DMD: variants seen among roughly 807,000 people sequenced by gnomAD.
DMD encodes mutant dystrophin.
DMD carries 63 observed loss-of-function variants against 330.1 expected under a neutral mutation model. The ratio of observed to expected loss-of-function variants is 0.19; its 90% CI spans 0.16 to 0.24. The LOEUF is 0.24. Ranked by LOEUF, DMD falls within the 10% of genes least tolerant of loss-of-function variation. DMD has a pLI of 1.00. For missense variants in DMD, 3,344 were observed against 2,684.1 expected, an observed-to-expected ratio of 1.25 and a Z score of -5.43; for synonymous variants, 1,223 against 959.8, an observed-to-expected ratio of 1.27 and a Z score of -5.07.
intron 55 of DMD, among the ~76,000 whole-genome samples, chrX:31,541,031 G>C (rs145673094): frequency 0.035 from 3,887 of 111,441 alleles, 168 homozygotes; most frequent in African/African-American, 0.12. Context: ...TTTCTACACT[G>C]TCATTGATTA....
chrX:32,028,912 G>A (rs910366726), intron 44 of DMD, among the ~76,000 whole-genome samples: 1 of 110,886 alleles, frequency 9.0e-6, no homozygotes, highest in African/African-American at 3.3e-5. Flanking sequence ...GAAAGTCAAC[G>A]TGCTTTTACT....
intron 29 of DMD, among the ~76,000 whole-genome samples, chrX:32,415,629 C>T (rs149914863): frequency 0.01 from 1,164 of 112,056 alleles, 17 homozygotes; most frequent in African/African-American, 0.035. Flanking sequence ...AATACTGTTC[C>T]GCTGTTGTTT....
chrX:32,943,621 A>C (rs1884859409), intron 2 of DMD, among the ~76,000 whole-genome samples: 1 of 111,216 alleles, frequency 9.0e-6, no homozygotes, highest in Non-Finnish European at 1.9e-5. Flanking sequence ...TTAAACAATA[A>C]ATATAGGTAC....
intron 44 of DMD, among the ~76,000 whole-genome samples, chrX:32,068,912 T>A (rs1425681340): frequency 1.8e-5 from 2 of 111,366 alleles, no homozygotes; most frequent in Non-Finnish European, 3.8e-5. Context: ...AATTCCGAAT[T>A]GGAACATATT....
At chrX:32,012,126 C>A (rs192686974) in intron 44 of DMD, among the ~76,000 whole-genome samples, 1 of 112,102 alleles carries the variant, frequency 8.9e-6, no homozygotes. Flanking sequence ...ATTGCAATAG[C>A]CTACTAATTG....
chrX:32,724,285 T>G (rs1481266393), intron 7 of DMD, among the ~76,000 whole-genome samples: 1 of 111,755 alleles, frequency 8.9e-6, no homozygotes, highest in African/African-American at 3.2e-5. Flanking sequence ...ATAGGTGAAG[T>G]GAACCTAATT....
chrX:32,055,094 G>A (rs1432375532), intron 44 of DMD, among the ~76,000 whole-genome samples: 1 of 111,214 alleles, frequency 9.0e-6, no homozygotes, highest in East Asian at 2.9e-4. Context: ...AAGAAACACC[G>A]GCCTGGGAGG....
At chrX:31,370,458 A>T (rs1040542646) in intron 60 of DMD, among the ~76,000 whole-genome samples, 1 of 112,252 alleles carries the variant, frequency 8.9e-6, no homozygotes, top group Non-Finnish European at 1.9e-5. Flanking sequence ...ATTTGCCACG[A>T]GGGAAACGTA....
intron 44 of DMD, among the ~76,000 whole-genome samples, chrX:32,135,083 G>C (rs1215691668): frequency 1.6e-4 from 18 of 112,092 alleles, no homozygotes; most frequent in Non-Finnish European, 9.4e-5. Context: ...TGCCTAGACT[G>C]TCTAAATCTG....
intron 59 of DMD, among the ~76,000 whole-genome samples, chrX:31,473,679 C>T (rs2067492479): frequency 1.0e-5 from 1 of 97,158 alleles, no homozygotes; most frequent in South Asian, 5.1e-4. Context: ...CACCACTGCA[C>T]TCCAGCCTGG....
chrX:32,345,811 T>A lies in DMD; in HGVS notation c.5586+132A>T, dbSNP rs2097761750. 4.7e-6 allele frequency: 3 copies of A among 639,612 alleles called. No homozygotes were observed. In the East Asian group the frequency reaches 1.1e-4, roughly 23 times the overall value. 52.7% of individuals were successfully genotyped at this position (639,612 alleles called of 1,213,427 possible). A position where few individuals can be genotyped will look rare whatever the true frequency, so the allele number is the denominator to read the frequency against. On this transcript the variant is annotated intron_variant, in intron 39 of 78. Coordinates refer to ENST00000357033, the MANE Select transcript of DMD (RefSeq NM_004006.3). Reference sequence around the variant, plus strand: ...CCACTCAAAAATGTTAAATAAAGCATACACATTGAACAGAAAAAGTGAGTT... The same window carrying A: ...CCACTCAAAAATGTTAAATAAAGCAAACACATTGAACAGAAAAAGTGAGTT...
intron 55 of DMD, among the ~76,000 whole-genome samples, chrX:31,566,801 C>T (rs2075491832): frequency 8.9e-6 from 1 of 111,765 alleles, no homozygotes; most frequent in African/African-American, 3.2e-5. Context: ...TTCTACATAC[C>T]GATCCTGTAC....
intron 2 of DMD, among the ~76,000 whole-genome samples, chrX:32,851,180 G>A (rs1029346853): frequency 1.8e-5 from 2 of 110,794 alleles, no homozygotes; most frequent in East Asian, 2.9e-4. Flanking sequence ...AAACTTCCAC[G>A]ATTAAAAACA....
intron 55 of DMD, among the ~76,000 whole-genome samples, chrX:31,551,948 GAAA>G (rs1427712896): frequency 9.1e-6 from 1 of 109,869 alleles, no homozygotes; most frequent in Non-Finnish European, 1.9e-5. Context: ...AGAACAAATG[GAAA>G]AAAAAATCAT....
At chrX:32,335,208 C>CT (rs72077168) in intron 41 of DMD, among the ~76,000 whole-genome samples, 2 of 108,356 alleles carry the variant, frequency 1.8e-5, no homozygotes, top group African/African-American at 3.4e-5. Context: ...TTAAGGACTA[C>CT]TTTTTTTTCT....
chrX:33,250,535 C>T (rs1038746726), intron 1 of DMD, among the ~76,000 whole-genome samples: 5 of 110,939 alleles, frequency 4.5e-5, no homozygotes, highest in African/African-American at 1.6e-4. Flanking sequence ...TATTAGAAGA[C>T]ACACATATAC....
intron 50 of DMD, among the ~76,000 whole-genome samples, chrX:31,778,337 A>T (rs2149261402): frequency 9.0e-6 from 1 of 111,663 alleles, no homozygotes; most frequent in South Asian, 3.7e-4. Context: ...TGAGAGTTGG[A>T]TTCTAAAGTC....
intron 57 of DMD, among the ~76,000 whole-genome samples, chrX:31,493,001 G>A (rs1237368624): frequency 1.8e-5 from 2 of 111,130 alleles, no homozygotes. Flanking sequence ...TTCTGCACAT[G>A]TATCCCAGAA....
At chrX:32,885,061 G>C (rs766653771) in intron 2 of DMD, among the ~76,000 whole-genome samples, 6 of 111,749 alleles carry the variant, frequency 5.4e-5, no homozygotes, top group Admixed American at 9.5e-5. Context: ...TCCTAGCCTA[G>C]CACCACTCAC....
Sources: allele counts gnomAD v4.1 joint callset (sites outside exome capture counted in the v4.1 genomes callset), GRCh38; gene constraint gnomAD v4.1.1; transcripts MANE v1.5; gene names NCBI Gene and HGNC (gene_info 2026-07-23, HGNC 2026-07-21).